The following NRG1 variants were observed in gnomAD, a reference collection of about 807,000 sequenced individuals.
NRG1 encodes the protein neuregulin 1.
In NRG1, 18 loss-of-function variants were observed where a neutral mutation model predicts 63.8. The ratio of observed to expected loss-of-function variants is 0.28; its 90% confidence interval spans 0.19 to 0.42. NRG1 has a LOEUF of 0.42. Ranked by LOEUF, NRG1 falls within the 10% of genes least tolerant of loss-of-function variation. The pLI is 1.00. For synonymous variants in NRG1, 302 were observed against 301.3 expected, an observed-to-expected ratio of 1.00 and a Z score of -0.02; for missense variants, 762 against 814.7, an observed-to-expected ratio of 0.94 and a Z score of 0.79.
At chr8:32,266,811 G>T (rs976582315) in intron 1 of NRG1, among the ~76,000 whole-genome samples, 1 of 151,164 alleles carries the variant, frequency 6.6e-6, no homozygotes, top group African/African-American at 2.4e-5. Flanking sequence ...TGAGGTGGGT[G>T]GATCATGAGG....
intron 1 of NRG1, among the ~76,000 whole-genome samples, chr8:32,107,529 A>C (rs1020121284): frequency 2.3e-4 from 35 of 152,206 alleles, no homozygotes; most frequent in Non-Finnish European, 4.1e-4. Flanking sequence ...GCTGCTCTAA[A>C]GCCATTAAGA....
chr8:31,693,435 T>A (rs1809734247), intron 1 of NRG1, among the ~76,000 whole-genome samples: 1 of 152,174 alleles, frequency 6.6e-6, no homozygotes, highest in Non-Finnish European at 1.5e-5. Context: ...TTGATGCTGT[T>A]GTTTATTGTG....
At chr8:32,652,751 CT>C (rs139535913) in intron 5 of NRG1, among the ~76,000 whole-genome samples, 15,888 of 151,908 alleles carry the variant, frequency 0.1, 949 homozygotes, top group African/African-American at 0.16. Context: ...ATCTTTTCCT[CT>C]TTTTTTTCTT....
At chr8:31,769,470 G>A (rs1224973214) in intron 1 of NRG1, among the ~76,000 whole-genome samples, 4 of 152,216 alleles carry the variant, frequency 2.6e-5, no homozygotes, top group Admixed American at 6.5e-5. Context: ...AACTATGGCA[G>A]CCCATGCTGG....
chr8:32,609,544 TTCCCTCCC>T (rs1244257157), intron 3 of NRG1, among the ~76,000 whole-genome samples: 1 of 143,560 alleles, frequency 7.0e-6, no homozygotes, highest in Non-Finnish European at 1.5e-5. Flanking sequence ...AAGAATTTCC[TTCCCTCCC>T]TCCTTCCTTC....
At chr8:32,303,081 C>T (rs1855766540) in intron 1 of NRG1, among the ~76,000 whole-genome samples, 1 of 147,182 alleles carries the variant, frequency 6.8e-6, no homozygotes, top group Non-Finnish European at 1.5e-5. Context: ...ACTCAGAAGG[C>T]TGAGGCAGGA....
intron 7 of NRG1, among the ~76,000 whole-genome samples, chr8:32,748,358 C>CACACACAGAGAGAGAGAGAGAG (rs748763782): frequency 8.2e-6 from 1 of 121,960 alleles, no homozygotes; most frequent in African/African-American, 3.0e-5. Flanking sequence ...CACACACACA[C>CACACACAGAGAGAGAGAGAGAG]AGAGAGAGAG....
rs189570874 is a variant in NRG1 at position 31,987,854 on chromosome 8, G to A, written c.37+348423G>A. 3.3e-5 allele frequency among the ~76,000 whole-genome samples: 5 copies of A among 152,240 alleles called. No homozygotes were observed. The East Asian group carries it at 9.7e-4, about 30-fold the overall frequency. On this transcript the variant is annotated intron_variant, in intron 1 of 10. Transcript: ENST00000519301. ...ATAGTAATACCAAAATAATTAGAGA[G>A]TGGTAGAGTTCCATCACCAGGTCTT...
At chr8:31,850,292 T>G (rs1461109780) in intron 1 of NRG1, among the ~76,000 whole-genome samples, 1 of 152,140 alleles carries the variant, frequency 6.6e-6, no homozygotes, top group Admixed American at 6.5e-5. Context: ...TGCCATGGGA[T>G]GATGGCAGAG....
At position 31,659,112 on chromosome 8, in the gene NRG1, A is replaced by G. The variant is rs987793285; in HGVS notation, c.37+19681A>G. 6.6e-5 allele frequency among the ~76,000 whole-genome samples: 10 copies of G among 151,946 alleles called. No individual in the cohort carries two copies. In the East Asian group the frequency reaches 7.8e-4, roughly 12 times the overall value. ...ATGAGAAGCACTACTTTAACAGGCAACCTCCTTCCAGGTGAATCATGTCTG... is the reference window on the plus strand; with the variant it reads ...ATGAGAAGCACTACTTTAACAGGCAGCCTCCTTCCAGGTGAATCATGTCTG... On this transcript the variant is annotated intron_variant, in intron 1 of 10. Transcript: ENST00000519301.
At chr8:32,291,085 G>A (rs1382797946) in intron 1 of NRG1, among the ~76,000 whole-genome samples, 4 of 152,166 alleles carry the variant, frequency 2.6e-5, no homozygotes, top group Admixed American at 1.3e-4. Context: ...AAAAGCCAAT[G>A]TCCCAGTTTG....
chr8:32,386,701 G>T (rs1160840313), intron 1 of NRG1, among the ~76,000 whole-genome samples: 1 of 152,188 alleles, frequency 6.6e-6, no homozygotes, highest in Admixed American at 6.5e-5. Flanking sequence ...CTTCTGCAAG[G>T]CCTGGAGAAG....
chr8:32,556,514 A>C (rs9642727), intron 1 of NRG1, among the ~76,000 whole-genome samples: 58,898 of 152,080 alleles, frequency 0.39, 12,578 homozygotes, highest in Admixed American at 0.48. Context: ...ATTTCTACAG[A>C]GAGATTACAG....
At chr8:31,773,007 TG>T (rs1186530451) in intron 1 of NRG1, among the ~76,000 whole-genome samples, 2 of 152,214 alleles carry the variant, frequency 1.3e-5, no homozygotes, top group Non-Finnish European at 2.9e-5. Context: ...CTGTATGATA[TG>T]TCCATCTGTG....
intron 1 of NRG1, among the ~76,000 whole-genome samples, chr8:31,971,911 G>A (rs1431355478): frequency 6.6e-6 from 1 of 151,988 alleles, no homozygotes; most frequent in African/African-American, 2.4e-5. Context: ...TTAACTCGAA[G>A]CCCAAATTTC....
At chr8:32,474,579 G>A (rs964472566) in intron 1 of NRG1, among the ~76,000 whole-genome samples, 6 of 147,826 alleles carry the variant, frequency 4.1e-5, no homozygotes, top group Non-Finnish European at 7.4e-5. Context: ...TGCAACCTCC[G>A]CCTCCCAGGT....
At chr8:31,847,469 G>C (rs1826798453) in intron 1 of NRG1, among the ~76,000 whole-genome samples, 1 of 152,194 alleles carries the variant, frequency 6.6e-6, no homozygotes, top group Admixed American at 6.5e-5. Flanking sequence ...GAAGCTTACA[G>C]CCTACAACTA....
intron 1 of NRG1, among the ~76,000 whole-genome samples, chr8:31,908,428 C>T (rs1044062909): frequency 6.6e-6 from 1 of 152,178 alleles, no homozygotes; most frequent in African/African-American, 2.4e-5. Context: ...AGAGGTAACA[C>T]TCACTGGTGG....
At chr8:32,237,620 G>A (rs776067966) in intron 1 of NRG1, among the ~76,000 whole-genome samples, 1 of 151,972 alleles carries the variant, frequency 6.6e-6, no homozygotes, top group Non-Finnish European at 1.5e-5. Context: ...TTCTGCTACC[G>A]GAGGAGGATT....
Sources: allele counts gnomAD v4.1 joint callset (sites outside exome capture counted in the v4.1 genomes callset), GRCh38; gene constraint gnomAD v4.1.1; transcripts MANE v1.5; gene names NCBI Gene and HGNC (gene_info 2026-07-23, HGNC 2026-07-21).